SLC7A5: variants seen among roughly 807,000 people sequenced by gnomAD.
SLC7A5 encodes large neutral amino acids transporter small subunit 1.
SLC7A5 carries 23 observed loss-of-function variants against 50.2 expected under a neutral mutation model. That is an observed-to-expected ratio of 0.46 (90% CI 0.33 to 0.65). The LOEUF is 0.65. SLC7A5 is among the 30% of genes least tolerant of loss of function. The pLI is 0.02. For missense variants in SLC7A5, 578 were observed against 684.4 expected (o/e 0.84, Z 1.73); for synonymous variants, 393 against 330.6 (o/e 1.19, Z -2.05).
intron 4 of SLC7A5, among the ~76,000 whole-genome samples, chr16:87,840,198 G>A (rs1288386642): frequency 6.6e-6 from 1 of 152,198 alleles, no homozygotes; most frequent in Non-Finnish European, 1.5e-5. Context: ...CCTCTGTACC[G>A]TCCCGCCCTG....
Position 87,836,564 on chromosome 16 carries a change from C to T in SLC7A5, c.1224G>A (p.Val408=). Residue 408 remains valine (V), a synonymous_variant, in exon 8 of 10, where the codon GTG becomes GTA. Coordinates refer to ENST00000261622, the MANE Select transcript of SLC7A5 (RefSeq NM_003486.7). ...NFFSFFNWLC[V]ALAIIGMIWL... is the part of the protein sequence containing the mutation. ...AGATCATGCCGATGATGGCCAGGGC[C>T]ACGCAGAGCCAGTTGAAGAAGCTGA... is the stretch of plus-strand genomic sequence containing the variant. 1 of 1,613,730 alleles carries T rather than the reference C, an allele frequency of 6.2e-7. No individual in the cohort carries two copies. Among genetic ancestry groups the T allele is most frequent in the Non-Finnish European group, 8.5e-7 (1 of 1,180,026 alleles).
chr16:87,852,784 G>A lies in SLC7A5; in HGVS notation c.539-935C>T, dbSNP rs2055254448. On this transcript the variant is annotated intron_variant, in intron 1 of 9. Transcript: ENST00000261622. The surrounding 1 kb of genome is among the most constrained non-coding windows in gnomAD (Gnocchi z 4.5). ...GGGTTCTGTTGCAATATGTGCGCAC[G>A]CTGAGCCACTATTCAGGGATCTGTG... 1.3e-5 allele frequency among the ~76,000 whole-genome samples: 2 copies of A among 151,668 alleles called. No homozygotes were observed. The highest frequency in any genetic ancestry group is 6.6e-5 in the Admixed American group (1 of 15,230).
chr16:87,852,687 T>TGTGTGTGTGTGTGTGTGTGTGTG lies in SLC7A5; in HGVS notation c.539-839_539-838insCACACACACACACACACACACAC, dbSNP rs1567497065. ...GTGTGTGTGTGTGTGTGTGTGTGTG[T>TGTGTGTGTGTGTGTGTGTGTGTG]TGGGGGTTCTGTTGCAATATATAGG... On this transcript the variant is annotated intron_variant, in intron 1 of 9. Coordinates refer to ENST00000261622, the MANE Select transcript of SLC7A5 (RefSeq NM_003486.7). The surrounding 1 kb of genome is among the most constrained non-coding windows in gnomAD (Gnocchi z 4.5). 7.9e-6 allele frequency among the ~76,000 whole-genome samples: 1 copy of TGTGTGTGTGTGTGTGTGTGTGTG among 126,136 alleles called. No individual in the cohort carries two copies. The highest frequency in any genetic ancestry group is 1.7e-5 in the Non-Finnish European group (1 of 59,396). 82.8% of individuals were successfully genotyped at this position (126,136 alleles called of 152,430 possible). A position where few individuals can be genotyped will look rare whatever the true frequency, so the allele number is the denominator to read the frequency against.
In SLC7A5 at chr16:87,833,095, G is replaced by T; in HGVS notation, c.1469-70C>A. The T allele has an allele frequency of 7.5e-7, 1 of 1,327,262 alleles. No individual in the cohort carries two copies. Among genetic ancestry groups the T allele is most frequent in the Non-Finnish European group, 1.1e-6 (1 of 919,690 alleles). The allele number at this position is 1,327,262 out of a possible 1,614,324, so 82.2% of individuals were successfully genotyped here. On this transcript the variant is annotated intron_variant, in intron 9 of 9. Transcript: ENST00000261622. The surrounding 1 kb of genome is among the most constrained non-coding windows in gnomAD (Gnocchi z 6.0). ...GCACCCGTGGGACACGGGGGCGTGA[G>T]CTGGGGCTCCCCCAGCCCTGCTGTC...
intron 1 of SLC7A5, among the ~76,000 whole-genome samples, chr16:87,867,806 CT>C (rs1462864937): frequency 6.6e-6 from 1 of 152,178 alleles, no homozygotes; most frequent in Non-Finnish European, 1.5e-5. Flanking sequence ...GATTTTCCCC[CT>C]GAAATCCCAC....
chr16:87,866,712 C>T (rs972529910), intron 1 of SLC7A5, among the ~76,000 whole-genome samples: 2 of 152,140 alleles, frequency 1.3e-5, no homozygotes, highest in Non-Finnish European at 2.9e-5. Flanking sequence ...GGTGATCCGC[C>T]TGCCTCGGCC....
rs2055507920 is a variant in SLC7A5 at position 87,869,490 on chromosome 16, C to A, written c.-68G>T. ...CCCAGCGAGCAGTGTGCGCGCCGCC[C>A]GCCGCCCGCAGCTGCGTCAGGAACC... On this transcript the variant is annotated 5_prime_UTR_variant, in exon 1 of 10. Transcript: ENST00000261622. 4 of 1,135,138 alleles carry A rather than the reference C, an allele frequency of 3.5e-6. No individual in the cohort carries two copies. In the African/African-American group the frequency reaches 4.9e-5, roughly 14 times the overall value. 70.3% of individuals were successfully genotyped at this position (1,135,138 alleles called of 1,614,324 possible).
At chr16:87,843,733 C>T (rs1021844398) in intron 2 of SLC7A5, among the ~76,000 whole-genome samples, 2 of 152,150 alleles carry the variant, frequency 1.3e-5, no homozygotes, top group Non-Finnish European at 2.9e-5. Context: ...GAGCAGGAGG[C>T]CGGGGATGCT....
intron 1 of SLC7A5, among the ~76,000 whole-genome samples, chr16:87,866,853 G>A (rs751316237): frequency 2.0e-4 from 30 of 152,084 alleles, no homozygotes; most frequent in Non-Finnish European, 3.1e-4. Context: ...CCCATCCTAC[G>A]TCTCCTTCCT....
Position 87,860,341 on chromosome 16 carries a change from T to TATACACACAC in SLC7A5, c.539-8493_539-8492insGTGTGTGTAT, listed in dbSNP as rs1240902402. 1.2e-5 allele frequency among the ~76,000 whole-genome samples: 1 copy of TATACACACAC among 86,200 alleles called. No homozygotes were observed. The highest frequency in any genetic ancestry group is 5.0e-5 in the African/African-American group (1 of 19,908). 56.6% of individuals were successfully genotyped at this position (86,200 alleles called of 152,430 possible). A position where few individuals can be genotyped will look rare whatever the true frequency, so the allele number is the denominator to read the frequency against. Reference sequence around the variant, plus strand: ...AAAGCATCTCAAAAAAAAAAAAAAATACACACACACACACACACACACACA... The same window carrying TATACACACAC: ...AAAGCATCTCAAAAAAAAAAAAAAATATACACACACACACACACACACACACACACACACA... On this transcript the variant is annotated intron_variant, in intron 1 of 9. Transcript: ENST00000261622. This position sits in a 1 kb window ranked among gnomAD's most constrained non-coding sequence, Gnocchi z 4.8.
chr16:87,842,962 GC>G (rs1392125703), intron 2 of SLC7A5, among the ~76,000 whole-genome samples: 2 of 152,146 alleles, frequency 1.3e-5, no homozygotes, highest in Non-Finnish European at 2.9e-5. Flanking sequence ...ACTGTGTCTC[GC>G]CCACTTACTT....
chr16:87,856,977 G>A (rs558847305), intron 1 of SLC7A5, among the ~76,000 whole-genome samples: 5 of 151,108 alleles, frequency 3.3e-5, no homozygotes, highest in Admixed American at 6.6e-5. Context: ...CAGCACAGGC[G>A]CGTGCTTCCC....
intron 2 of SLC7A5, among the ~76,000 whole-genome samples, chr16:87,846,531 G>T (rs1003186484): frequency 5.3e-5 from 8 of 152,214 alleles, no homozygotes; most frequent in Admixed American, 3.9e-4. Context: ...AGGGTAAGTG[G>T]GGTCCTCAGG....
chr16:87,833,750 G>C lies in SLC7A5; in HGVS notation c.1468+664C>G, dbSNP rs1241978811. Among the ~76,000 whole-genome samples, 1 of 152,032 alleles carries C rather than the reference G, an allele frequency of 6.6e-6. No homozygotes were observed. The highest frequency in any genetic ancestry group is 2.4e-5 in the African/African-American group (1 of 41,378). ...CAAGCACCCCGGCCTTTTTCTACGA[G>C]CCTGGCCACATTTGCAGGCGCTGAG... On this transcript the variant is annotated intron_variant, in intron 9 of 9. Transcript: ENST00000261622. This position sits in a 1 kb window ranked among gnomAD's most constrained non-coding sequence, Gnocchi z 6.0.
chr16:87,866,614 T>C (rs903929149), intron 1 of SLC7A5, among the ~76,000 whole-genome samples: 2 of 152,166 alleles, frequency 1.3e-5, no homozygotes, highest in South Asian at 2.1e-4. Context: ...TACAGGCATC[T>C]GCCACCACAC....
intron 1 of SLC7A5, among the ~76,000 whole-genome samples, chr16:87,866,401 A>C (rs2055461277): frequency 6.6e-6 from 1 of 152,206 alleles, no homozygotes; most frequent in South Asian, 2.1e-4. Flanking sequence ...TGCTTGGTTC[A>C]AGCAGTTCTC....
chr16:87,865,287 G>T (rs2055445874), intron 1 of SLC7A5, among the ~76,000 whole-genome samples: 1 of 152,192 alleles, frequency 6.6e-6, no homozygotes, highest in Non-Finnish European at 1.5e-5. Flanking sequence ...AGGGACATGA[G>T]AAGTGTGGCC....
chr16:87,839,782 G>A lies in SLC7A5; in HGVS notation c.859C>T (p.Leu287=). ...GCCAGGTTGGTCAGCACGTACACCA[G>A]CGTCACGATGGGCAGGGAGATGATG... The part of the protein sequence containing the change: ...AIIISLPIVT[L]VYVLTNLAYF... The change falls in exon 5 of 10, where the codon CTG becomes TTG. Residue 287 remains leucine, a synonymous_variant. Transcript: ENST00000261622. The A allele has an allele frequency of 2.5e-6, 4 of 1,613,986 alleles. No homozygotes were observed. Among genetic ancestry groups the A allele is most frequent in the Non-Finnish European group, 3.4e-6 (4 of 1,179,988 alleles).
At position 87,853,070 on chromosome 16, in the gene SLC7A5, G is replaced by A. The variant is rs538559004; in HGVS notation, c.539-1221C>T. Among the ~76,000 whole-genome samples the A allele has an allele frequency of 1.3e-5, 2 of 152,316 alleles. No homozygotes were observed. Among genetic ancestry groups the A allele is most frequent in the African/African-American group, 4.8e-5 (2 of 41,556 alleles). ...CCGGCACCGCACCACTAAGACTGCA[G>A]GAAGGTGAGAGCATCAGAAAGGCCG... is the stretch of plus-strand genomic sequence containing the variant. On this transcript the variant is annotated intron_variant, in intron 1 of 9. Coordinates refer to ENST00000261622, the MANE Select transcript of SLC7A5 (RefSeq NM_003486.7). This position sits in a 1 kb window ranked among gnomAD's most constrained non-coding sequence, Gnocchi z 4.4.
Sources: allele counts gnomAD v4.1 joint callset (sites outside exome capture counted in the v4.1 genomes callset), GRCh38; gene constraint gnomAD v4.1.1; non-coding constraint Gnocchi (gnomAD v3.1); transcripts MANE v1.5; gene names NCBI Gene and HGNC (gene_info 2026-07-23, HGNC 2026-07-21).